Variants in GALNT2 observed in about 807,000 individuals in gnomAD.
GALNT2 encodes polypeptide N-acetylgalactosaminyltransferase 2.
GALNT2 carries 31 observed loss-of-function variants against 81.4 expected under a neutral mutation model. That is an observed-to-expected ratio of 0.38 (90% CI 0.29 to 0.51). The LOEUF (loss-of-function observed/expected upper bound fraction) is 0.51, where lower values mean the gene tolerates loss of function less well. Ranked by LOEUF, GALNT2 falls within the 20% of genes least tolerant of loss-of-function variation. The pLI, the probability that GALNT2 is intolerant of heterozygous loss-of-function variation, is 0.87. For synonymous variants in GALNT2, 303 were observed against 287.4 expected (o/e 1.05, Z -0.55); for missense variants, 629 against 765.7 (o/e 0.82, Z 2.11).
At chr1:230,100,661 A>G (rs1261596490) in intron 1 of GALNT2, among the ~76,000 whole-genome samples, 2 of 151,992 alleles carry the variant, frequency 1.3e-5, no homozygotes, top group Non-Finnish European at 1.5e-5. Context: ...AGGCGTATGT[A>G]GTGTTCACCT....
At chr1:230,198,051 G>C (rs561495773) in intron 2 of GALNT2, among the ~76,000 whole-genome samples, 10 of 152,350 alleles carry the variant, frequency 6.6e-5, no homozygotes, top group African/African-American at 2.4e-4. Flanking sequence ...GGCTGTATCG[G>C]CACGCAGCGA....
At chr1:230,130,917 G>A (rs747452095) in intron 1 of GALNT2, among the ~76,000 whole-genome samples, 8 of 152,146 alleles carry the variant, frequency 5.3e-5, no homozygotes, top group South Asian at 2.1e-4. Flanking sequence ...ACTGCCCTGC[G>A]TCTCATGGGA....
intron 3 of GALNT2, among the ~76,000 whole-genome samples, chr1:230,225,604 T>A (rs1009785909): frequency 1.3e-5 from 2 of 152,028 alleles, no homozygotes; most frequent in Non-Finnish European, 2.9e-5. Flanking sequence ...CCACTTCATG[T>A]ATGGTGACCA....
At chr1:230,201,955 C>T (rs528533273) in intron 2 of GALNT2, among the ~76,000 whole-genome samples, 21 of 152,136 alleles carry the variant, frequency 1.4e-4, no homozygotes, top group Non-Finnish European at 2.1e-4. Context: ...CATGGCAGTT[C>T]CAACCACTGG....
intron 1 of GALNT2, among the ~76,000 whole-genome samples, chr1:230,128,917 C>A (rs1464545663): frequency 6.6e-6 from 1 of 152,336 alleles, no homozygotes; most frequent in East Asian, 1.9e-4. Context: ...CTCAGCCTGG[C>A]ACTTTGTGGA....
At chr1:230,101,238 C>A (rs1047404556) in intron 1 of GALNT2, among the ~76,000 whole-genome samples, 1 of 152,314 alleles carries the variant, frequency 6.6e-6, no homozygotes, top group Non-Finnish European at 1.5e-5. Context: ...TGTATAGATG[C>A]GTGTATTCTA....
intron 2 of GALNT2, among the ~76,000 whole-genome samples, chr1:230,189,832 G>A (rs184176760): frequency 3.7e-4 from 56 of 152,290 alleles, no homozygotes; most frequent in African/African-American, 1.3e-3. Context: ...CCCAGGCCCT[G>A]GTATTCCTGT....
chr1:230,260,974 A>T (rs991484775), intron 11 of GALNT2, among the ~76,000 whole-genome samples: 1 of 152,110 alleles, frequency 6.6e-6, no homozygotes, highest in Non-Finnish European at 1.5e-5. Flanking sequence ...ATTTTCCCAC[A>T]AGTCCAGGAC....
Position 230,279,709 on chromosome 1 carries a change from T to C in GALNT2, c.*251T>C. On this transcript the variant is annotated 3_prime_UTR_variant, in exon 16 of 16. Transcript: ENST00000366672. The surrounding 1 kb of genome is among the most constrained non-coding windows in gnomAD (Gnocchi z 4.6). The stretch of plus-strand genomic sequence containing the variant: ...CCCCTTCCCCAGGCCGGAGCGCCCC[T>C]CTTCCTTCCAGCTTTCACTTCTGCC... 1.8e-6 allele frequency: 1 copy of C among 558,600 alleles called. No individual in the cohort carries two copies. The highest frequency in any genetic ancestry group is 1.8e-5 in the South Asian group (1 of 55,104). The allele number at this position is 558,600 out of a possible 1,614,324, so 34.6% of individuals were successfully genotyped here. A position where few individuals can be genotyped will look rare whatever the true frequency, so the allele number is the denominator to read the frequency against.
At position 230,150,931 on chromosome 1, in the gene GALNT2, C is replaced by T. The variant is rs372916342; in HGVS notation, c.127-27287C>T. Among the ~76,000 whole-genome samples, 4 of 152,248 alleles carry T rather than the reference C, an allele frequency of 2.6e-5. No individual in the cohort carries two copies. The East Asian group carries it at 7.7e-4, about 29-fold the overall frequency. On this transcript the variant is annotated intron_variant, in intron 1 of 15. Transcript: ENST00000366672. ...ATCTATTTTCCCAGTGGCAGAGCAA[C>T]TTAGAGAATTCCCAGCCAGGGCCAC... is the stretch of plus-strand genomic sequence containing the variant.
intron 1 of GALNT2, among the ~76,000 whole-genome samples, chr1:230,106,692 G>C (rs971177111): frequency 1.3e-5 from 2 of 152,204 alleles, no homozygotes; most frequent in African/African-American, 4.8e-5. Flanking sequence ...TTAGCCCTAA[G>C]CAGCTACACT....
At chr1:230,167,234 C>A (rs547729263) in intron 1 of GALNT2, among the ~76,000 whole-genome samples, 5 of 152,260 alleles carry the variant, frequency 3.3e-5, no homozygotes, top group South Asian at 4.1e-4. Context: ...CAGCCTCAAA[C>A]TCCTGGGCTC....
At chr1:230,250,411 G>A in intron 9 of GALNT2, 46 bp from the exon 10 acceptor site, 1 of 1,455,506 alleles carries the variant, frequency 6.9e-7, no homozygotes, top group Non-Finnish European at 9.6e-7. Flanking sequence ...ATCTAACCTT[G>A]ACTTTGCCCT....
At chr1:230,091,070 T>TCTTG (rs376705543) in intron 1 of GALNT2, among the ~76,000 whole-genome samples, 1 of 151,790 alleles carries the variant, frequency 6.6e-6, no homozygotes, top group Non-Finnish European at 1.5e-5. Context: ...TTTGTTTGTT[T>TCTTG]CTTTCTTTCT....
At chr1:230,199,231 C>G (rs1391702892) in intron 2 of GALNT2, among the ~76,000 whole-genome samples, 1 of 152,148 alleles carries the variant, frequency 6.6e-6, no homozygotes, top group Non-Finnish European at 1.5e-5. Context: ...TTCTCTCTAA[C>G]CTCTGACTCA....
rs1664184260 is a variant in GALNT2 at position 230,209,987 on chromosome 1, T to A, written c.374+6697T>A. Among the ~76,000 whole-genome samples, 5 of 152,322 alleles carry A rather than the reference T, an allele frequency of 3.3e-5. No individual in the cohort carries two copies. In the South Asian group the frequency reaches 1.0e-3, roughly 32 times the overall value. ...GGGTAACACTTGCCTTCATTTTCTC[T>A]TAAGCTCTTCTGAAGCCTCTCCCCA... is the stretch of plus-strand genomic sequence containing the variant. On this transcript the variant is annotated intron_variant, in intron 3 of 15. Coordinates refer to ENST00000366672, the MANE Select transcript of GALNT2 (RefSeq NM_004481.5).
At chr1:230,181,057 G>C (rs1248718959) in intron 2 of GALNT2, among the ~76,000 whole-genome samples, 3 of 151,484 alleles carry the variant, frequency 2.0e-5, no homozygotes, top group Non-Finnish European at 4.4e-5. Context: ...TGAACAAATA[G>C]GATTTTATTT....
rs538784779 is a variant in GALNT2 at position 230,197,189 on chromosome 1, A to G, written c.221-5948A>G. On this transcript the variant is annotated intron_variant, in intron 2 of 15. Coordinates refer to ENST00000366672, the MANE Select transcript of GALNT2 (RefSeq NM_004481.5). ...AGAATGACATTGAGTTGTTATTTCCAGGTGTTTCTTGGGAGCAGCAGATGG... is the reference window on the plus strand; with the variant it reads ...AGAATGACATTGAGTTGTTATTTCCGGGTGTTTCTTGGGAGCAGCAGATGG... 4.6e-5 allele frequency among the ~76,000 whole-genome samples: 7 copies of G among 152,160 alleles called. No homozygotes were observed. The East Asian group carries it at 1.2e-3, about 25-fold the overall frequency.
rs1666147831 is a variant in GALNT2 at position 230,271,045 on chromosome 1, C to G, written c.1441-3400C>G. ...TGGGTGTCAGCAGACCATCCAGCATCCGCCAACACCTGCTGCCAGGGACAG... is the reference window on the plus strand; with the variant it reads ...TGGGTGTCAGCAGACCATCCAGCATGCGCCAACACCTGCTGCCAGGGACAG... On this transcript the variant is annotated intron_variant, in intron 14 of 15. Transcript: ENST00000366672. This position sits in a 1 kb window ranked among gnomAD's most constrained non-coding sequence, Gnocchi z 4.2. Among the ~76,000 whole-genome samples the G allele has an allele frequency of 6.6e-6, 1 of 152,204 alleles. No homozygotes were observed. The highest frequency in any genetic ancestry group is 1.5e-5 in the Non-Finnish European group (1 of 68,034).
Sources: gnomAD v4.1 joint callset for allele counts (sites outside exome capture counted in the v4.1 genomes callset) on GRCh38, gnomAD v4.1.1 for gene constraint, Gnocchi (gnomAD v3.1) non-coding constraint, MANE v1.5 for transcripts, NCBI Gene and HGNC (gene_info 2026-07-23, HGNC 2026-07-21) for gene names.